The following ARHGEF10 variants were observed in gnomAD, a reference collection of about 807,000 sequenced individuals.
ARHGEF10 encodes Rho guanine nucleotide exchange factor 10.
Under a neutral mutation model 147.4 loss-of-function variants are expected in ARHGEF10, and 140 were observed. The ratio of observed to expected loss-of-function variants is 0.95; its 90% CI spans 0.83 to 1.09. The LOEUF is 1.09. Ranked by LOEUF, ARHGEF10 falls within the 50% of genes least tolerant of loss-of-function variation. ARHGEF10 has a pLI of 0.00. For missense variants in ARHGEF10, 2,222 were observed against 1,752.7 expected (o/e 1.27, Z -4.78); for synonymous variants, 902 against 695.8 (o/e 1.30, Z -4.67).
chr8:1,837,280 T>C (rs1204897149), intron 1 of ARHGEF10, among the ~76,000 whole-genome samples: 1 of 150,150 alleles, frequency 6.7e-6, no homozygotes, highest in African/African-American at 2.5e-5. Context: ...GCATGCTCTC[T>C]GCACAGGGCT....
intron 27 of ARHGEF10, chr8:1,945,914 C>CGCGTGCTGGGAGGAGCT (rs1219960026): frequency 9.8e-6 from 6 of 614,164 alleles, no homozygotes; most frequent in East Asian, 2.8e-5. Flanking sequence ...TGGGAGGAGC[C>CGCGTGCTGGGAGGAGCT]GCGTGGCAGT....
At chr8:1,924,458 A>T (rs952185539) in intron 21 of ARHGEF10, among the ~76,000 whole-genome samples, 1 of 152,200 alleles carries the variant, frequency 6.6e-6, no homozygotes, top group Non-Finnish European at 1.5e-5. Flanking sequence ...GTTACCCAGA[A>T]CACACTGGGA....
chr8:1,869,552 T>A, intron 7 of ARHGEF10: 1 of 513,914 alleles, frequency 1.9e-6, no homozygotes, highest in South Asian at 2.1e-5. Flanking sequence ...CAGCAATGTA[T>A]ATCGAATAAA....
At chr8:1,824,139 G>A (rs931622917) in intron 1 of ARHGEF10, 26 bp downstream of exon 1, 1 of 152,178 alleles carries the variant, frequency 6.6e-6, no homozygotes, top group Non-Finnish European at 1.5e-5. Flanking sequence ...GCGGACCGTG[G>A]GTCCCCTCGC....
In ARHGEF10 at chr8:1,929,312, G is replaced by A; in HGVS notation, c.2948G>A (p.Gly983Asp). ...GSISIYKSSQ[G>D]SKKVRLQHFF... The stretch of plus-strand genomic sequence containing the variant: ...ATTTCCATTTATAAAAGCAGTCAAG[G>A]CTCCAAGAAAGTGAGACTTCAGCAC... Residue 983 changes from glycine (G) to aspartate (D), a missense_variant, in exon 25 of 29, where the codon GGC becomes GAC. Gly to Asp is a moderately conservative substitution (Grantham distance 94, BLOSUM62 -1). Coordinates refer to ENST00000349830, the MANE Select transcript of ARHGEF10 (RefSeq NM_014629.4). The A allele has an allele frequency of 1.2e-6, 2 of 1,614,108 alleles. No homozygotes were observed. Among genetic ancestry groups the A allele is most frequent in the Non-Finnish European group, 8.5e-7 (1 of 1,180,016 alleles).
At chr8:1,861,589 G>A (rs1056463150) in intron 4 of ARHGEF10, among the ~76,000 whole-genome samples, 1 of 152,132 alleles carries the variant, frequency 6.6e-6, no homozygotes, top group Non-Finnish European at 1.5e-5. Flanking sequence ...TCCTGTAAAG[G>A]TTTCAGTGGA....
intron 15 of ARHGEF10, among the ~76,000 whole-genome samples, chr8:1,901,159 C>T (rs1198611887): frequency 1.3e-5 from 2 of 151,798 alleles, no homozygotes; most frequent in South Asian, 4.2e-4. Context: ...CTCAGGGCAC[C>T]CGGGATGGGG....
At chr8:1,867,222 A>G (rs972396258) in intron 6 of ARHGEF10, among the ~76,000 whole-genome samples, 22 of 152,310 alleles carry the variant, frequency 1.4e-4, no homozygotes, top group African/African-American at 5.3e-4. Context: ...TTTCCAAAAC[A>G]ATAGCCTGAA....
intron 28 of ARHGEF10, among the ~76,000 whole-genome samples, chr8:1,954,209 T>G (rs1030785613): frequency 1.2e-4 from 19 of 152,116 alleles, no homozygotes; most frequent in Admixed American, 7.9e-4. Context: ...TTCTCCTGCC[T>G]CAGCCTCCCT....
intron 2 of ARHGEF10, among the ~76,000 whole-genome samples, chr8:1,843,888 T>A (rs1436703126): frequency 6.6e-6 from 1 of 152,158 alleles, no homozygotes; most frequent in Non-Finnish European, 1.5e-5. Context: ...GCCCTCTCTA[T>A]CCATATGCTC....
chr8:1,889,454 G>GGT (rs1392010006), intron 11 of ARHGEF10, among the ~76,000 whole-genome samples: 2 of 71,228 alleles, frequency 2.8e-5, no homozygotes, highest in Non-Finnish European at 5.0e-5. Context: ...CACTGAGTGG[G>GGT]GTGAGGGGTC....
chr8:1,905,422 C>A, intron 16 of ARHGEF10, 149 bp from the exon 17 acceptor site: 1 of 956,564 alleles, frequency 1.0e-6, no homozygotes, highest in Non-Finnish European at 1.7e-6. Context: ...GGCGGATGTT[C>A]AGCGCAGTCA....
chr8:1,950,056 G>A (rs1168838908), intron 27 of ARHGEF10, among the ~76,000 whole-genome samples: 2 of 152,094 alleles, frequency 1.3e-5, no homozygotes, highest in Non-Finnish European at 2.9e-5. Flanking sequence ...GACTCCCCAC[G>A]GAGTCACCAT....
chr8:1,876,495 A>G (rs1807714397), intron 7 of ARHGEF10, 76 bp from the exon 8 acceptor site: 1 of 1,466,402 alleles, frequency 6.8e-7, no homozygotes, highest in Admixed American at 1.7e-5. Flanking sequence ...ATGATTTGGT[A>G]AAACCACAAA....
intron 25 of ARHGEF10, among the ~76,000 whole-genome samples, chr8:1,932,678 C>G (rs925446696): frequency 6.6e-6 from 1 of 152,208 alleles, no homozygotes; most frequent in African/African-American, 2.4e-5. Flanking sequence ...AACATAAAAG[C>G]ATTTCCATTA....
chr8:1,885,828 C>G, intron 11 of ARHGEF10, 121 bp downstream of exon 11: 1 of 800,786 alleles, frequency 1.2e-6, no homozygotes, highest in Admixed American at 2.0e-5. Context: ...TCCACTCGGG[C>G]CCTCCACTGT....
In ARHGEF10 at chr8:1,894,530, G is replaced by C. The variant is rs1809814975; in HGVS notation, c.1398G>C (p.Glu466Asp). 6.2e-7 allele frequency: 1 copy of C among 1,614,078 alleles called. No individual in the cohort carries two copies. Among genetic ancestry groups the C allele is most frequent in the Non-Finnish European group, 8.5e-7 (1 of 1,180,038 alleles). The change falls in exon 13 of 29, where the codon GAG becomes GAC. Residue 466 changes from glutamate (E) to aspartate (D), a missense_variant. Glu to Asp is a conservative substitution (Grantham distance 45). Transcript: ENST00000349830. Reference protein sequence around the residue: ...FQIALASRVSEWDSVEMIGDV... With the variant: ...FQIALASRVSDWDSVEMIGDV... The stretch of plus-strand genomic sequence containing the variant: ...TCGCGCTGGCCAGCCGCGTTTCCGA[G>C]TGGGACTCCGTGGAAATGATAGGCG...
At chr8:1,827,829 G>A (rs1486173039) in intron 1 of ARHGEF10, among the ~76,000 whole-genome samples, 1 of 152,174 alleles carries the variant, frequency 6.6e-6, no homozygotes, top group Non-Finnish European at 1.5e-5. Flanking sequence ...TTCTGATAGG[G>A]GAAATAACTG....
chr8:1,904,610 T>G (rs947391276), intron 16 of ARHGEF10, among the ~76,000 whole-genome samples: 1 of 152,168 alleles, frequency 6.6e-6, no homozygotes, highest in African/African-American at 2.4e-5. Flanking sequence ...CGAATACACA[T>G]GGGGCACGGA....
Sources: allele counts gnomAD v4.1 joint callset (sites outside exome capture counted in the v4.1 genomes callset), GRCh38; gene constraint gnomAD v4.1.1; transcripts MANE v1.5; gene names NCBI Gene and HGNC (gene_info 2026-07-23, HGNC 2026-07-21).